Variants in AGMO observed in about 807,000 individuals in gnomAD.
The protein encoded by AGMO is alkylglycerol monooxygenase, also known as glyceryl-ether monooxygenase.
In AGMO, 75 loss-of-function variants were observed where a neutral mutation model predicts 60.2. The observed-to-expected ratio is 1.25, with a 90% CI of 1.03 to 1.51. The LOEUF is 1.51. Among genes scored for constraint, AGMO ranks in the 40% most tolerant of loss-of-function variants. The probability of loss-of-function intolerance (pLI) is 0.00; values close to 1 mark genes in which losing one functional copy is unlikely to be tolerated. For synonymous variants in AGMO, 261 were observed against 177.1 expected, an observed-to-expected ratio of 1.47 and a Z score of -3.76; for missense variants, 763 against 525.5, an observed-to-expected ratio of 1.45 and a Z score of -4.42.
At chr7:15,268,342 C>T (rs569845070) in intron 12 of AGMO, among the ~76,000 whole-genome samples, 1 of 152,086 alleles carries the variant, frequency 6.6e-6, no homozygotes, top group East Asian at 1.9e-4. Context: ...TTTACTTAAT[C>T]CCTCACTGTT....
intron 3 of AGMO, among the ~76,000 whole-genome samples, chr7:15,476,616 T>A (rs946448200): frequency 6.6e-6 from 1 of 152,138 alleles, no homozygotes; most frequent in Non-Finnish European, 1.5e-5. Flanking sequence ...TGAATAAGTC[T>A]TTCTGTTTAA....
At chr7:15,165,482 A>C in the AGMO span, among the ~76,000 whole-genome samples, 86,137 of 151,970 alleles carry the variant, frequency 0.57, 25,092 homozygotes, top group East Asian at 0.72. Context: ...CTACACTTCA[A>C]TAGAGTCTTA....
At chr7:15,489,901 C>A (rs911807744) in intron 3 of AGMO, among the ~76,000 whole-genome samples, 2 of 152,140 alleles carry the variant, frequency 1.3e-5, no homozygotes, top group Non-Finnish European at 2.9e-5. Flanking sequence ...CATGAGTAAA[C>A]AGCCTCAAAA....
Position 15,322,497 on chromosome 7 carries a change from AATATATAAATAT to A in AGMO, c.1263+43005_1263+43016del, listed in dbSNP as rs1167180991. 3.1e-4 allele frequency among the ~76,000 whole-genome samples: 18 copies of A among 57,690 alleles called. 1 individual carries two copies. The South Asian group carries it at 4.6e-3, about 15-fold the overall frequency. The allele number at this position is 57,690 out of a possible 152,430, so 37.8% of individuals were successfully genotyped here. On this transcript the variant is annotated intron_variant, in intron 12 of 12. Transcript: ENST00000342526. ...ATAAATATATATATAAATATATATA[AATATATAAATAT>A]ATATATAAATATATATAAATATATA...
intron 10 of AGMO, among the ~76,000 whole-genome samples, chr7:15,377,655 A>C (rs1337700569): frequency 3.3e-5 from 5 of 152,108 alleles, no homozygotes; most frequent in Non-Finnish European, 7.4e-5. Flanking sequence ...ACTGTACTCA[A>C]CATTGGTTAG....
chr7:15,184,605 A>AAG, the AGMO span, among the ~76,000 whole-genome samples: 144 of 89,682 alleles, frequency 1.6e-3, 21 homozygotes, highest in East Asian at 0.021. Context: ...AGGGAAGGAA[A>AAG]GAAGGAAGAG....
chr7:15,146,640 A>G, the AGMO span, among the ~76,000 whole-genome samples: 1 of 151,926 alleles, frequency 6.6e-6, no homozygotes, highest in Non-Finnish European at 1.5e-5. Context: ...AGCATTCTCT[A>G]TTTTTCTTGT....
At chr7:15,493,158 T>G (rs1783113996) in intron 3 of AGMO, among the ~76,000 whole-genome samples, 1 of 152,164 alleles carries the variant, frequency 6.6e-6, no homozygotes, top group East Asian at 1.9e-4. Context: ...TTTTTATTGT[T>G]ATATAATTTC....
chr7:15,360,724 A>T (rs1378026216), intron 12 of AGMO, among the ~76,000 whole-genome samples: 2 of 152,036 alleles, frequency 1.3e-5, no homozygotes, highest in African/African-American at 4.8e-5. Context: ...AAAAATCCAC[A>T]TATACATGGA....
chr7:15,184,243 G>A, the AGMO span, among the ~76,000 whole-genome samples: 1 of 146,672 alleles, frequency 6.8e-6, no homozygotes, highest in Non-Finnish European at 1.5e-5. Flanking sequence ...AAGGAAGGAA[G>A]GAAAGAAGGG....
intron 12 of AGMO, among the ~76,000 whole-genome samples, chr7:15,249,798 C>T (rs1471274115): frequency 6.6e-6 from 1 of 152,146 alleles, no homozygotes; most frequent in Non-Finnish European, 1.5e-5. Context: ...AAACTATCTT[C>T]TCTCAAAATA....
At chr7:15,374,036 C>T (rs1783341389) in intron 10 of AGMO, among the ~76,000 whole-genome samples, 1 of 152,158 alleles carries the variant, frequency 6.6e-6, no homozygotes. Context: ...CCCAATCTTC[C>T]AGACACTGTG....
intron 3 of AGMO, among the ~76,000 whole-genome samples, chr7:15,499,833 G>A (rs1783329294): frequency 6.6e-6 from 1 of 151,340 alleles, no homozygotes; most frequent in African/African-American, 2.4e-5. Flanking sequence ...ATTTTACTCA[G>A]TGAGAAAAGC....
At chr7:15,185,003 T>C in the AGMO span, among the ~76,000 whole-genome samples, 3 of 152,156 alleles carry the variant, frequency 2.0e-5, no homozygotes, top group Non-Finnish European at 4.4e-5. Flanking sequence ...AATTGTTTTG[T>C]TGTGCAAGTA....
intron 3 of AGMO, among the ~76,000 whole-genome samples, chr7:15,533,798 G>T (rs2128543625): frequency 6.6e-6 from 1 of 152,146 alleles, no homozygotes; most frequent in African/African-American, 2.4e-5. Flanking sequence ...GGGCTCTTCT[G>T]TTCTGTTTGT....
chr7:15,364,196 A>G (rs1782874475), intron 12 of AGMO, among the ~76,000 whole-genome samples: 1 of 151,996 alleles, frequency 6.6e-6, no homozygotes, highest in Admixed American at 6.6e-5. Flanking sequence ...AAGAATATTA[A>G]TAAAGAATCT....
At position 15,289,066 on chromosome 7, in the gene AGMO, T is replaced by C. The variant is rs190897733; in HGVS notation, c.1263+76448A>G. Among the ~76,000 whole-genome samples the C allele has an allele frequency of 3.9e-5, 6 of 152,028 alleles. No individual in the cohort carries two copies. The East Asian group carries it at 7.7e-4, about 20-fold the overall frequency. ...CATTCTTTAAATTTTCTTTTCCTATTGTTTTCAAATCTTAACAGTAATGGC... is the reference window on the plus strand; with the variant it reads ...CATTCTTTAAATTTTCTTTTCCTATCGTTTTCAAATCTTAACAGTAATGGC... On this transcript the variant is annotated intron_variant, in intron 12 of 12. Coordinates refer to ENST00000342526, the MANE Select transcript of AGMO (RefSeq NM_001004320.2).
intron 12 of AGMO, among the ~76,000 whole-genome samples, chr7:15,223,210 G>C (rs1042326856): frequency 1.3e-5 from 2 of 151,918 alleles, no homozygotes; most frequent in Non-Finnish European, 2.9e-5. Context: ...CCTACAGTAA[G>C]AAGTGTTATA....
At chr7:15,555,351 TGAGA>T (rs1050485038) in intron 2 of AGMO, among the ~76,000 whole-genome samples, 1 of 75,320 alleles carries the variant, frequency 1.3e-5, no homozygotes, top group Non-Finnish European at 2.8e-5. Flanking sequence ...GTAAAGAGAG[TGAGA>T]GAGAGAAATT....
Sources: allele counts gnomAD v4.1 joint callset (sites outside exome capture counted in the v4.1 genomes callset), GRCh38; gene constraint gnomAD v4.1.1; transcripts MANE v1.5; gene names NCBI Gene and HGNC (gene_info 2026-07-23, HGNC 2026-07-21).